Variants in TFAP2D observed in about 807,000 individuals in gnomAD.
TFAP2D encodes the protein transcription factor AP-2-delta.
TFAP2D carries 9 observed loss-of-function variants against 43.6 expected under a neutral mutation model. The observed-to-expected ratio is 0.21, with a 90% CI of 0.12 to 0.36. The LOEUF is 0.36. Ranked by LOEUF, TFAP2D falls within the 10% of genes least tolerant of loss-of-function variation. The pLI is 1.00. For synonymous variants in TFAP2D, 256 were observed against 224.9 expected (o/e 1.14, Z -1.24); for missense variants, 513 against 561.4 (o/e 0.91, Z 0.87).
intron 5 of TFAP2D, among the ~76,000 whole-genome samples, chr6:50,734,400 G>A (rs1221771454): frequency 2.6e-5 from 4 of 152,092 alleles, no homozygotes; most frequent in Non-Finnish European, 5.9e-5. Context: ...AATGCCAGCT[G>A]TTATAACAGT....
intron 5 of TFAP2D, among the ~76,000 whole-genome samples, chr6:50,739,978 C>A (rs1461632051): frequency 2.0e-5 from 3 of 152,188 alleles, no homozygotes; most frequent in Non-Finnish European, 4.4e-5. Flanking sequence ...CTGTAGAATG[C>A]ATTCCTTTCC....
At chr6:50,751,391 T>G (rs1769197627) in intron 7 of TFAP2D, 67 bp downstream of exon 7, 2 of 1,102,486 alleles carry the variant, frequency 1.8e-6, no homozygotes, top group Non-Finnish European at 2.8e-6. Context: ...CTATCACAGT[T>G]CTATTTAGAG....
In TFAP2D at chr6:50,729,272, G is replaced by T. The variant is rs762377048; in HGVS notation, c.843G>T (p.Arg281=). 6.2e-7 allele frequency: 1 copy of T among 1,613,994 alleles called. No individual in the cohort carries two copies. The highest frequency in any genetic ancestry group is 1.3e-5 in the African/African-American group (1 of 75,032). The change falls in exon 5 of 8, where the codon CGG becomes CGT. Residue 281 remains arginine (R), a synonymous_variant. Transcript: ENST00000008391. ...GCTTAAACTTACCAGCAGGAAGACGGAAAGCAGCTAATGTCACCCTCCTTA... is the reference window on the plus strand; with the variant it reads ...GCTTAAACTTACCAGCAGGAAGACGTAAAGCAGCTAATGTCACCCTCCTTA... ...RLGLNLPAGR[R]KAANVTLLTS... is the part of the protein sequence containing the mutation.
chr6:50,717,033 C>A (rs1768638741), intron 2 of TFAP2D, among the ~76,000 whole-genome samples: 1 of 152,162 alleles, frequency 6.6e-6, no homozygotes, highest in South Asian at 2.1e-4. Flanking sequence ...GGCATTTTTA[C>A]ATTTTTCACA....
intron 5 of TFAP2D, among the ~76,000 whole-genome samples, chr6:50,743,852 G>C (rs1225032759): frequency 6.6e-6 from 1 of 151,898 alleles, no homozygotes; most frequent in Non-Finnish European, 1.5e-5. Context: ...TATTCATATA[G>C]GTGCAATAAA....
chr6:50,716,604 T>G (rs1426888005), intron 2 of TFAP2D, among the ~76,000 whole-genome samples: 4 of 152,222 alleles, frequency 2.6e-5, no homozygotes, highest in African/African-American at 7.2e-5. Context: ...AAGATAGAAT[T>G]TATAATTATG....
At chr6:50,720,365 G>A (rs981748682) in intron 3 of TFAP2D, among the ~76,000 whole-genome samples, 15 of 152,104 alleles carry the variant, frequency 9.9e-5, no homozygotes, top group African/African-American at 3.6e-4. Context: ...AAACTGAGGA[G>A]GAAAGAAAAC....
chr6:50,747,886 A>G (rs917103601), intron 6 of TFAP2D, among the ~76,000 whole-genome samples: 3 of 151,968 alleles, frequency 2.0e-5, no homozygotes, highest in Admixed American at 6.6e-5. Context: ...TTGAACTTTG[A>G]TTTCATTAAA....
rs140726776 is a variant in TFAP2D, at chr6:50,717,017, G to A, written c.537+1404G>A. ...TTATATTCACAAAATAATTTTATAC[G>A]CTCAGGGCATTTTTACATTTTTCAC... On this transcript the variant is annotated intron_variant, in intron 2 of 7. Coordinates refer to ENST00000008391, the MANE Select transcript of TFAP2D (RefSeq NM_172238.4). Among the ~76,000 whole-genome samples the A allele has an allele frequency of 1.2e-4, 19 of 152,194 alleles. No homozygotes were observed. The East Asian group carries it at 3.3e-3, about 26-fold the overall frequency.
chr6:50,729,072 C>A (rs369524743), intron 4 of TFAP2D, 51 bp downstream of exon 4: 13 of 1,607,244 alleles, frequency 8.1e-6, no homozygotes, highest in African/African-American at 2.7e-5. Flanking sequence ...TGATACCATA[C>A]CCTCAACCCT....
At chr6:50,766,272 A>T (rs1211502662) in intron 7 of TFAP2D, among the ~76,000 whole-genome samples, 2 of 152,142 alleles carry the variant, frequency 1.3e-5, no homozygotes, top group African/African-American at 4.8e-5. Flanking sequence ...ATAGCTTTGT[A>T]ATATAATCTG....
intron 5 of TFAP2D, among the ~76,000 whole-genome samples, chr6:50,743,554 T>A (rs1020005923): frequency 2.0e-5 from 3 of 152,024 alleles, no homozygotes; most frequent in Non-Finnish European, 2.9e-5. Flanking sequence ...GACTAATTTT[T>A]AAATTTTTGT....
chr6:50,718,498 C>G (rs1252326400), intron 2 of TFAP2D, among the ~76,000 whole-genome samples: 1 of 152,168 alleles, frequency 6.6e-6, no homozygotes, highest in East Asian at 1.9e-4. Flanking sequence ...CAAACTCTTT[C>G]CATCTTTCCA....
chr6:50,751,238 C>T lies in TFAP2D; in HGVS notation c.1053C>T (p.Leu351=), dbSNP rs1380610982. ...AAATCTGTAAAGAATTCCAAGACCT[C>T]TTGAGCCAAGATAGATCACCACTGG... is the stretch of plus-strand genomic sequence containing the variant. ...TKQICKEFQD[L]LSQDRSPLGS... The change falls in exon 7 of 8, where the codon CTC becomes CTT. Residue 351 remains leucine (L), a synonymous_variant. Transcript: ENST00000008391. 3.1e-6 allele frequency: 5 copies of T among 1,610,980 alleles called. No individual in the cohort carries two copies. In the South Asian group the frequency reaches 4.4e-5, roughly 14 times the overall value.
At chr6:50,725,834 A>G (rs1768800474) in intron 3 of TFAP2D, among the ~76,000 whole-genome samples, 1 of 152,196 alleles carries the variant, frequency 6.6e-6, no homozygotes. Context: ...AGGTTCCCCA[A>G]GTTGCTGTAA....
intron 3 of TFAP2D, among the ~76,000 whole-genome samples, chr6:50,719,764 G>A (rs976874831): frequency 3.9e-5 from 6 of 152,136 alleles, no homozygotes; most frequent in African/African-American, 1.2e-4. Context: ...AGGAGGTGGT[G>A]TTAACTGTAC....
intron 6 of TFAP2D, among the ~76,000 whole-genome samples, chr6:50,750,388 TC>T (rs1267265979): frequency 6.6e-6 from 1 of 152,010 alleles, no homozygotes; most frequent in Non-Finnish European, 1.5e-5. Flanking sequence ...TTTAAGCAAT[TC>T]TTTGGCAATC....
Position 50,772,005 on chromosome 6 carries a change from A to G in TFAP2D, c.1140-640A>G, listed in dbSNP as rs370548172. Among the ~76,000 whole-genome samples, 856 of 152,276 alleles carry G rather than the reference A, an allele frequency of 5.6e-3. 8 individuals carry two copies. The highest frequency in any genetic ancestry group is 0.019 in the African/African-American group (793 of 41,524). ...TTGGAACCAACCCAAATGTCCATCA[A>G]TGATAGACTGGATTAAGAAAATGTG... On this transcript the variant is annotated intron_variant, in intron 7 of 7. Transcript: ENST00000008391.
At position 50,715,511 on chromosome 6, in the gene TFAP2D, G is replaced by A. The variant is rs760180382; in HGVS notation, c.435G>A (p.Leu145=). The change falls in exon 2 of 8, where the codon CTG becomes CTA. Residue 145 remains leucine, a synonymous_variant. Coordinates refer to ENST00000008391, the MANE Select transcript of TFAP2D (RefSeq NM_172238.4). ...TCGATGCCTACCGCCGCCATGACCTGTCCCTCATGAGCCATGGCTCTCAGT... is the reference window on the plus strand; with the variant it reads ...TCGATGCCTACCGCCGCCATGACCTATCCCTCATGAGCCATGGCTCTCAGT... The part of the protein sequence containing the change: ...GCLDAYRRHD[L]SLMSHGSQYG... 1.2e-6 allele frequency: 2 copies of A among 1,613,278 alleles called. No individual in the cohort carries two copies. Among genetic ancestry groups the A allele is most frequent in the South Asian group, 2.2e-5 (2 of 91,078 alleles).
Sources: allele counts gnomAD v4.1 joint callset (sites outside exome capture counted in the v4.1 genomes callset), GRCh38; gene constraint gnomAD v4.1.1; transcripts MANE v1.5; gene names NCBI Gene and HGNC (gene_info 2026-07-23, HGNC 2026-07-21).